The following CTNNA3 variants were observed in gnomAD, a reference collection of about 807,000 sequenced individuals.
CTNNA3 encodes the protein catenin alpha-3.
In CTNNA3, 76 loss-of-function variants were observed where a neutral mutation model predicts 95.7. The ratio of observed to expected loss-of-function variants is 0.79; its 90% confidence interval spans 0.66 to 0.96. The LOEUF is 0.96. Ranked by LOEUF, CTNNA3 falls within the 40% of genes least tolerant of loss-of-function variation. The pLI, the probability that CTNNA3 is intolerant of heterozygous loss-of-function variation, is 0.00. For missense variants in CTNNA3, 1,191 were observed against 1,089.8 expected (o/e 1.09, Z -1.31); for synonymous variants, 431 against 374.4 (o/e 1.15, Z -1.74).
chr10:66,490,490 T>C (rs1839885079), intron 11 of CTNNA3, among the ~76,000 whole-genome samples: 1 of 152,192 alleles, frequency 6.6e-6, no homozygotes, highest in Non-Finnish European at 1.5e-5. Flanking sequence ...GTGTAAGCAA[T>C]GCATGAGCTT....
intron 7 of CTNNA3, among the ~76,000 whole-genome samples, chr10:67,113,212 C>G (rs1327027075): frequency 6.6e-6 from 1 of 152,088 alleles, no homozygotes; most frequent in African/African-American, 2.4e-5. Context: ...AGGAAATAAA[C>G]CAGAGATACT....
chr10:66,538,509 G>A lies in CTNNA3; in HGVS notation c.1375-17736C>T, dbSNP rs778525904. Among the ~76,000 whole-genome samples, 52 of 152,148 alleles carry A rather than the reference G, an allele frequency of 3.4e-4. 2 individuals are homozygous for A. The highest frequency in any genetic ancestry group is 1.9e-4 in the Non-Finnish European group (13 of 68,030). On this transcript the variant is annotated intron_variant, in intron 10 of 17. Transcript: ENST00000433211. ...GTGGCAAATTTAAAAATAGAGCAGCGTTGCAACAAACATAACCAAAAAGAA... is the reference window on the plus strand; with the variant it reads ...GTGGCAAATTTAAAAATAGAGCAGCATTGCAACAAACATAACCAAAAAGAA...
intron 17 of CTNNA3, among the ~76,000 whole-genome samples, chr10:65,962,133 TC>T (rs527338850): frequency 2.0e-5 from 3 of 152,190 alleles, no homozygotes; most frequent in Non-Finnish European, 4.4e-5. Context: ...GATCACTGTC[TC>T]AGCTATTTTT....
intron 7 of CTNNA3, among the ~76,000 whole-genome samples, chr10:67,134,843 A>T (rs951482906): frequency 6.6e-6 from 1 of 152,032 alleles, no homozygotes; most frequent in African/African-American, 2.4e-5. Context: ...ATGAGTTCCA[A>T]AGAAGGAGGG....
intron 9 of CTNNA3, among the ~76,000 whole-genome samples, chr10:66,669,369 C>A (rs574060358): frequency 6.6e-6 from 1 of 151,854 alleles, no homozygotes; most frequent in African/African-American, 2.4e-5. Flanking sequence ...CATGGTGAAA[C>A]CCCATCTCTA....
intron 13 of CTNNA3, among the ~76,000 whole-genome samples, chr10:66,131,845 G>T (rs1323283105): frequency 6.6e-6 from 1 of 152,136 alleles, no homozygotes; most frequent in Non-Finnish European, 1.5e-5. Context: ...AACAGGCTAG[G>T]CATGTGCAGA....
intron 6 of CTNNA3, 49 bp from the exon 7 acceptor site, chr10:67,180,569 T>C: frequency 6.9e-7 from 1 of 1,450,092 alleles, no homozygotes; most frequent in Admixed American, 1.7e-5. Flanking sequence ...GCATTTCACT[T>C]TTATGAAAAA....
chr10:66,808,527 G>A (rs1841747835), intron 7 of CTNNA3, among the ~76,000 whole-genome samples: 1 of 152,160 alleles, frequency 6.6e-6, no homozygotes, highest in Admixed American at 6.6e-5. Context: ...TAAACATACA[G>A]TAGTTCCCCT....
At chr10:67,388,723 C>G (rs1444397058) in intron 5 of CTNNA3, among the ~76,000 whole-genome samples, 1 of 151,926 alleles carries the variant, frequency 6.6e-6, no homozygotes, top group African/African-American at 2.4e-5. Context: ...CGGCAGAAAC[C>G]CTACAAACCA....
At chr10:67,310,200 C>T (rs1316874962) in intron 5 of CTNNA3, among the ~76,000 whole-genome samples, 1 of 152,140 alleles carries the variant, frequency 6.6e-6, no homozygotes, top group Admixed American at 6.5e-5. Context: ...TAAGATTGTT[C>T]TCCTAGTCTA....
intron 13 of CTNNA3, among the ~76,000 whole-genome samples, chr10:66,277,334 C>A (rs1001443967): frequency 6.6e-6 from 1 of 152,084 alleles, no homozygotes; most frequent in African/African-American, 2.4e-5. Context: ...GATACACTTA[C>A]AAATATCCTC....
intron 9 of CTNNA3, among the ~76,000 whole-genome samples, chr10:66,623,988 T>C (rs1383547830): frequency 6.6e-6 from 1 of 152,142 alleles, no homozygotes; most frequent in Non-Finnish European, 1.5e-5. Flanking sequence ...TCCCTGCTGG[T>C]CAAAGAATAC....
intron 4 of CTNNA3, among the ~76,000 whole-genome samples, chr10:67,528,259 T>C (rs1358685645): frequency 2.0e-5 from 3 of 152,204 alleles, no homozygotes; most frequent in African/African-American, 7.2e-5. Context: ...ATAAAGTTTA[T>C]ATTTTTTATT....
rs547263693 is a variant in CTNNA3 at position 67,486,277 on chromosome 10, A to C, written c.579+35565T>G. 5.3e-5 allele frequency among the ~76,000 whole-genome samples: 8 copies of C among 152,308 alleles called. No individual in the cohort carries two copies. The East Asian group carries it at 1.5e-3, about 29-fold the overall frequency. Reference sequence around the variant, plus strand: ...AAGGTCTTTTTGTATATGTCACCTCATATCTGATAAACAGACCACTTATCT... The same window carrying C: ...AAGGTCTTTTTGTATATGTCACCTCCTATCTGATAAACAGACCACTTATCT... On this transcript the variant is annotated intron_variant, in intron 5 of 17. Transcript: ENST00000433211.
intron 11 of CTNNA3, among the ~76,000 whole-genome samples, chr10:66,426,711 G>A (rs1029320575): frequency 2.0e-5 from 3 of 151,408 alleles, no homozygotes; most frequent in African/African-American, 7.3e-5. Context: ...ACCAGTTAAG[G>A]ATTGTGTTTA....
intron 16 of CTNNA3, among the ~76,000 whole-genome samples, chr10:65,972,957 T>C (rs190860955): frequency 1.0e-4 from 15 of 146,696 alleles, no homozygotes; most frequent in Admixed American, 9.5e-4. Flanking sequence ...GACTTCAAAC[T>C]ACACTATAAG....
chr10:66,356,122 G>GTTTTTTTTTTT (rs59366031), intron 12 of CTNNA3, among the ~76,000 whole-genome samples: 9 of 117,190 alleles, frequency 7.7e-5, no homozygotes, highest in Non-Finnish European at 1.0e-4. Flanking sequence ...TGCTTGTTTT[G>GTTTTTTTTTTT]TTTTTTTTTT....
intron 7 of CTNNA3, among the ~76,000 whole-genome samples, chr10:67,061,351 T>C (rs1221632775): frequency 2.0e-5 from 3 of 152,232 alleles, no homozygotes; most frequent in Admixed American, 6.5e-5. Context: ...ATGACAGCAC[T>C]ATTTACAAAA....
chr10:66,222,757 A>G (rs535257711), intron 13 of CTNNA3, among the ~76,000 whole-genome samples: 39 of 151,944 alleles, frequency 2.6e-4, no homozygotes, highest in African/African-American at 9.2e-4. Flanking sequence ...GAAAAGGAAA[A>G]GAAAAGAAAA....
Sources: gnomAD v4.1 joint callset for allele counts (sites outside exome capture counted in the v4.1 genomes callset) on GRCh38, gnomAD v4.1.1 for gene constraint, MANE v1.5 for transcripts, NCBI Gene and HGNC (gene_info 2026-07-23, HGNC 2026-07-21) for gene names.